Variants in ADAMTS6 observed in about 807,000 individuals in gnomAD.
ADAMTS6 encodes A disintegrin and metalloproteinase with thrombospondin motifs 6.
ADAMTS6 carries 23 observed loss-of-function variants against 144.3 expected under a neutral mutation model. The observed-to-expected ratio is 0.16, with a 90% confidence interval of 0.11 to 0.23. The LOEUF is 0.23. Ranked by LOEUF, ADAMTS6 falls within the 10% of genes least tolerant of loss-of-function variation. The probability of loss-of-function intolerance (pLI) is 1.00; values close to 1 mark genes in which losing one functional copy is unlikely to be tolerated. For missense variants in ADAMTS6, 999 were observed against 1,379.6 expected, an observed-to-expected ratio of 0.72 and a Z score of 4.37; for synonymous variants, 444 against 457.5, an observed-to-expected ratio of 0.97 and a Z score of 0.38.
chr5:65,451,450 G>A, intron 7 of ADAMTS6, 25 bp downstream of exon 7: 1 of 1,611,808 alleles, frequency 6.2e-7, no homozygotes, highest in Non-Finnish European at 8.5e-7. Context: ...ACAATCAATG[G>A]AAAAATACTT....
intron 7 of ADAMTS6, among the ~76,000 whole-genome samples, chr5:65,371,373 A>C (rs956123336): frequency 1.3e-5 from 2 of 152,042 alleles, no homozygotes; most frequent in Non-Finnish European, 2.9e-5. Flanking sequence ...AAAACTTTAA[A>C]AAAAATTTAG....
At chr5:65,328,486 G>A (rs1259926698) in intron 9 of ADAMTS6, among the ~76,000 whole-genome samples, 1 of 151,612 alleles carries the variant, frequency 6.6e-6, no homozygotes, top group East Asian at 1.9e-4. Context: ...GATATAATTA[G>A]TCATTTGCTA....
chr5:65,247,214 A>G lies in ADAMTS6; in HGVS notation c.1831-5008T>C, dbSNP rs78825835. ...TTTAGATCTTAGTATTTTCAAAGAA[A>G]TAAATTAATAATAGCATCTTTATCA... On this transcript the variant is annotated intron_variant, in intron 14 of 24. Coordinates refer to ENST00000381055, the MANE Select transcript of ADAMTS6 (RefSeq NM_197941.4). Among the ~76,000 whole-genome samples, 1,026 of 152,350 alleles carry G rather than the reference A, an allele frequency of 6.7e-3. 8 individuals are homozygous for G. The highest frequency in any genetic ancestry group is 0.023 in the African/African-American group (955 of 41,580).
chr5:65,308,559 G>A (rs1744170334), intron 9 of ADAMTS6, among the ~76,000 whole-genome samples: 1 of 151,900 alleles, frequency 6.6e-6, no homozygotes, highest in African/African-American at 2.4e-5. Context: ...TCCACTATAA[G>A]GGAAAAAAAG....
chr5:65,438,250 A>G (rs978549306), intron 7 of ADAMTS6, among the ~76,000 whole-genome samples: 4 of 152,186 alleles, frequency 2.6e-5, no homozygotes, highest in Admixed American at 6.5e-5. Flanking sequence ...GATTCTGGCC[A>G]GGCGTGGTGG....
At chr5:65,419,620 TGTG>T (rs1379722028) in intron 7 of ADAMTS6, among the ~76,000 whole-genome samples, 4 of 152,042 alleles carry the variant, frequency 2.6e-5, no homozygotes, top group Admixed American at 6.5e-5. Flanking sequence ...TAAAATAAAA[TGTG>T]GTATATCCAT....
At chr5:65,315,814 G>C (rs140079744) in intron 9 of ADAMTS6, among the ~76,000 whole-genome samples, 2 of 152,308 alleles carry the variant, frequency 1.3e-5, no homozygotes, top group East Asian at 3.9e-4. Flanking sequence ...AATTCTTAGT[G>C]TGTATGCACC....
At chr5:65,223,822 C>T (rs1428984222) in intron 18 of ADAMTS6, among the ~76,000 whole-genome samples, 2 of 139,594 alleles carry the variant, frequency 1.4e-5, no homozygotes, top group South Asian at 4.4e-4. Flanking sequence ...TTTTTTGAGA[C>T]GGAGTCTCGC....
At chr5:65,286,097 G>A (rs1025970414) in intron 11 of ADAMTS6, among the ~76,000 whole-genome samples, 4 of 152,182 alleles carry the variant, frequency 2.6e-5, no homozygotes, top group Non-Finnish European at 5.9e-5. Flanking sequence ...TATCACGGAT[G>A]ACAGAGGTTC....
In ADAMTS6 at chr5:65,421,091, T is replaced by C. The variant is rs189155139; in HGVS notation, c.1073+30384A>G. ...TCAATGTTAATATTGAGATATGAGG[T>C]ACTGTATTAGTCACCACGTTGACTG... On this transcript the variant is annotated intron_variant, in intron 7 of 24. Coordinates refer to ENST00000381055, the MANE Select transcript of ADAMTS6 (RefSeq NM_197941.4). Among the ~76,000 whole-genome samples, 16 of 152,302 alleles carry C rather than the reference T, an allele frequency of 1.1e-4. No homozygotes were observed. In the East Asian group the frequency reaches 3.1e-3, roughly 29 times the overall value.
At chr5:65,271,848 A>AC (rs1436435743) in intron 12 of ADAMTS6, among the ~76,000 whole-genome samples, 36 of 152,322 alleles carry the variant, frequency 2.4e-4, no homozygotes, top group African/African-American at 7.2e-4. Context: ...TCAAGAATGC[A>AC]ATTCCTAATA....
At chr5:65,426,281 AC>A (rs2150208112) in intron 7 of ADAMTS6, among the ~76,000 whole-genome samples, 1 of 140,050 alleles carries the variant, frequency 7.1e-6, no homozygotes, top group South Asian at 2.3e-4. Context: ...CTGGTCTCGA[AC>A]TCCTGACCTC....
intron 7 of ADAMTS6, among the ~76,000 whole-genome samples, chr5:65,347,167 G>A (rs1005110294): frequency 6.6e-6 from 1 of 151,342 alleles, no homozygotes; most frequent in Non-Finnish European, 1.5e-5. Flanking sequence ...AATTTCCAAC[G>A]ACATTTTTCA....
At position 65,254,850 on chromosome 5, in the gene ADAMTS6, C is replaced by T. The variant is rs148429190; in HGVS notation, c.1830+5750G>A. ...AGAATGGAAATATAAAATACTCCAC[C>T]AAACCAACTCACTACTGACAAGAAG... On this transcript the variant is annotated intron_variant, in intron 14 of 24. Coordinates refer to ENST00000381055, the MANE Select transcript of ADAMTS6 (RefSeq NM_197941.4). 6.6e-3 allele frequency among the ~76,000 whole-genome samples: 999 copies of T among 152,244 alleles called. 44 individuals are homozygous for T. The highest frequency in any genetic ancestry group is 0.06 in the Admixed American group (925 of 15,302).
chr5:65,374,713 C>T (rs185309618), intron 7 of ADAMTS6, among the ~76,000 whole-genome samples: 4 of 152,246 alleles, frequency 2.6e-5, no homozygotes, highest in African/African-American at 7.2e-5. Flanking sequence ...CAATGCCATC[C>T]CCATCAAGCT....
chr5:65,417,567 A>G (rs1755643884), intron 7 of ADAMTS6, among the ~76,000 whole-genome samples: 1 of 152,138 alleles, frequency 6.6e-6, no homozygotes, highest in Admixed American at 6.5e-5. Context: ...AACCCCTAGC[A>G]TTTTTAGACA....
chr5:65,305,594 G>C (rs913491105), intron 9 of ADAMTS6, among the ~76,000 whole-genome samples: 2 of 152,102 alleles, frequency 1.3e-5, no homozygotes, highest in Non-Finnish European at 2.9e-5. Flanking sequence ...AGGAGTGTTG[G>C]CAAACCTCGG....
chr5:65,177,903 G>C (rs550982953), intron 22 of ADAMTS6, among the ~76,000 whole-genome samples: 1 of 152,272 alleles, frequency 6.6e-6, no homozygotes, highest in African/African-American at 2.4e-5. Context: ...CCACAACCTG[G>C]AGTAATAAGT....
intron 3 of ADAMTS6, among the ~76,000 whole-genome samples, chr5:65,466,393 C>T (rs953480988): frequency 1.3e-5 from 2 of 152,192 alleles, no homozygotes; most frequent in South Asian, 2.1e-4. Flanking sequence ...TTCCTTCCTC[C>T]TTTCCCTTAG....
Sources: gnomAD v4.1 joint callset for allele counts (sites outside exome capture counted in the v4.1 genomes callset) on GRCh38, gnomAD v4.1.1 for gene constraint, MANE v1.5 for transcripts, NCBI Gene and HGNC (gene_info 2026-07-23, HGNC 2026-07-21) for gene names.